Variants in MYO16 observed in about 807,000 individuals in gnomAD.
MYO16 encodes unconventional myosin-XVI.
MYO16 carries 94 observed loss-of-function variants against 205.3 expected under a neutral mutation model. The observed-to-expected ratio is 0.46, with a 90% CI of 0.39 to 0.54. The LOEUF (loss-of-function observed/expected upper bound fraction) is 0.54, where lower values mean the gene tolerates loss of function less well. Among genes scored for constraint, MYO16 ranks in the 20% least tolerant of loss-of-function variants. The probability of loss-of-function intolerance (pLI) is 0.00; values close to 1 mark genes in which losing one functional copy is unlikely to be tolerated. For missense variants in MYO16, 2,315 were observed against 2,387.5 expected (o/e 0.97, Z 0.63); for synonymous variants, 988 against 954.0 (o/e 1.04, Z -0.66).
At chr13:108,767,816 C>T (rs191692933) in intron 4 of MYO16, among the ~76,000 whole-genome samples, 135 of 152,220 alleles carry the variant, frequency 8.9e-4, no homozygotes, top group Non-Finnish European at 1.5e-3. Context: ...AGTGTGCAGT[C>T]AGAGAGGAAT....
intron 32 of MYO16, among the ~76,000 whole-genome samples, chr13:109,163,681 A>G (rs886615817): frequency 6.6e-6 from 1 of 152,154 alleles, no homozygotes; most frequent in African/African-American, 2.4e-5. Context: ...GACATAATCC[A>G]ATTTGTCTTT....
chr13:109,032,462 G>C (rs375211103), intron 23 of MYO16, among the ~76,000 whole-genome samples: 14 of 152,202 alleles, frequency 9.2e-5, no homozygotes, highest in East Asian at 5.8e-4. Flanking sequence ...AGTGAGACAA[G>C]GCAAAGGTGT....
chr13:108,708,112 A>G (rs1883584468), intron 2 of MYO16, among the ~76,000 whole-genome samples: 1 of 152,224 alleles, frequency 6.6e-6, no homozygotes, highest in African/African-American at 2.4e-5. Context: ...AGCAACATTC[A>G]TCTTAATAAA....
At chr13:108,855,682 G>A (rs987566967) in intron 11 of MYO16, 129 bp downstream of exon 11, 1 of 603,762 alleles carries the variant, frequency 1.7e-6, no homozygotes, top group Admixed American at 3.0e-5. Context: ...AGCTGAAGTT[G>A]AATTTCTTAA....
chr13:108,996,637 A>C (rs1203079042), intron 21 of MYO16, among the ~76,000 whole-genome samples: 1 of 152,212 alleles, frequency 6.6e-6, no homozygotes, highest in East Asian at 1.9e-4. Flanking sequence ...AAATGGAAAA[A>C]GCAGAAGTGG....
At chr13:108,808,576 G>A (rs1200990914) in intron 7 of MYO16, among the ~76,000 whole-genome samples, 1 of 151,982 alleles carries the variant, frequency 6.6e-6, no homozygotes, top group Non-Finnish European at 1.5e-5. Context: ...CCCTCCCAAA[G>A]TGCTGGGTTT....
At chr13:108,609,629 G>A (rs374991555) in intron 1 of MYO16, among the ~76,000 whole-genome samples, 7 of 152,248 alleles carry the variant, frequency 4.6e-5, no homozygotes, top group African/African-American at 7.2e-5. Context: ...ATTTGATAGC[G>A]TGGAAATTTC....
intron 23 of MYO16, among the ~76,000 whole-genome samples, chr13:109,024,999 A>T (rs1358237120): frequency 1.3e-5 from 2 of 152,202 alleles, no homozygotes; most frequent in Non-Finnish European, 2.9e-5. Flanking sequence ...TCTAGTTTGG[A>T]CAATAGGAGG....
intron 20 of MYO16, among the ~76,000 whole-genome samples, chr13:108,969,635 C>T (rs1396460776): frequency 2.0e-5 from 3 of 152,210 alleles, no homozygotes; most frequent in East Asian, 1.9e-4. Context: ...ATGCTCTGCT[C>T]ATTCTTTTTA....
chr13:108,857,355 AT>A (rs1219249515), intron 11 of MYO16, among the ~76,000 whole-genome samples: 1 of 152,220 alleles, frequency 6.6e-6, no homozygotes, highest in African/African-American at 2.4e-5. Context: ...AAGCAGGTTT[AT>A]TTGGAAAGCC....
chr13:108,545,016 T>A, the MYO16 span, among the ~76,000 whole-genome samples: 1 of 152,194 alleles, frequency 6.6e-6, no homozygotes, highest in East Asian at 1.9e-4. Flanking sequence ...TTTTACTTTT[T>A]ATTTTAGGTT....
intron 16 of MYO16, among the ~76,000 whole-genome samples, chr13:108,911,701 G>A (rs753672322): frequency 2.0e-5 from 3 of 152,214 alleles, no homozygotes; most frequent in Non-Finnish European, 2.9e-5. Context: ...ATTTGCATCT[G>A]TGGAGATGTC....
At chr13:108,518,936 A>G in the MYO16 span, among the ~76,000 whole-genome samples, 1 of 152,224 alleles carries the variant, frequency 6.6e-6, no homozygotes, top group South Asian at 2.1e-4. Flanking sequence ...TAATGGAATT[A>G]TACATCTCTA....
intron 2 of MYO16, among the ~76,000 whole-genome samples, chr13:108,706,473 A>T (rs1883513876): frequency 6.6e-6 from 1 of 152,220 alleles, no homozygotes; most frequent in Non-Finnish European, 1.5e-5. Flanking sequence ...TTTTCAGAAC[A>T]AATTCAAGAT....
rs955032118 is a variant in MYO16, at chr13:108,888,245, T to G, written c.1554-127T>G. 94 of 602,674 alleles carry G rather than the reference T, an allele frequency of 1.6e-4. No individual in the cohort carries two copies. The East Asian group carries it at 2.6e-3, about 16-fold the overall frequency. The allele number at this position is 602,674 out of a possible 1,614,324, so 37.3% of individuals were successfully genotyped here. On this transcript the variant is annotated intron_variant, in intron 13 of 34. Transcript: ENST00000457511. ...AGATGTGCCATTCCCTCCTCATTTCTGTGTCTGAGAAATATCTCCAGTTAA... is the reference window on the plus strand; with the variant it reads ...AGATGTGCCATTCCCTCCTCATTTCGGTGTCTGAGAAATATCTCCAGTTAA...
intron 3 of MYO16, among the ~76,000 whole-genome samples, chr13:108,723,091 G>C (rs1412364384): frequency 6.6e-6 from 1 of 152,106 alleles, no homozygotes; most frequent in Non-Finnish European, 1.5e-5. Context: ...TCTGATAATA[G>C]GGGATGGTAT....
intron 4 of MYO16, among the ~76,000 whole-genome samples, chr13:108,751,833 C>T (rs1885248292): frequency 6.6e-6 from 1 of 152,092 alleles, no homozygotes; most frequent in Non-Finnish European, 1.5e-5. Context: ...ATCACTAGGG[C>T]TCTTCAAAAC....
rs1876347646 is a variant in MYO16 at position 109,127,940 on chromosome 13, TAA to T, written c.4051+391_4051+392del. ...AAATTAAGACTGCTTCATCATATGA[TAA>T]GTGAAATTATTTACCCATAGGAGAG... On this transcript the variant is annotated intron_variant, in intron 31 of 34. Transcript: ENST00000457511. The surrounding 1 kb of genome is among the most constrained non-coding windows in gnomAD (Gnocchi z 4.2). 6.6e-6 allele frequency among the ~76,000 whole-genome samples: 1 copy of T among 151,456 alleles called. No individual in the cohort carries two copies. The highest frequency in any genetic ancestry group is 2.4e-5 in the African/African-American group (1 of 41,160).
intron 29 of MYO16, among the ~76,000 whole-genome samples, chr13:109,122,201 C>T (rs1039890726): frequency 3.3e-5 from 5 of 152,154 alleles, no homozygotes; most frequent in Admixed American, 6.5e-5. Flanking sequence ...ACGCTAAAGA[C>T]AGAACAGGGT....
Sources: allele counts gnomAD v4.1 joint callset (sites outside exome capture counted in the v4.1 genomes callset), GRCh38; gene constraint gnomAD v4.1.1; non-coding constraint Gnocchi (gnomAD v3.1); transcripts MANE v1.5; gene names NCBI Gene and HGNC (gene_info 2026-07-23, HGNC 2026-07-21).